The following SLC35F3 variants were observed in gnomAD, a reference collection of about 807,000 sequenced individuals.
The protein encoded by SLC35F3 is solute carrier family 35 member F3.
In SLC35F3, 25 loss-of-function variants were observed where a neutral mutation model predicts 49.9. That is an observed-to-expected ratio of 0.50 (90% CI 0.37 to 0.70). The LOEUF (loss-of-function observed/expected upper bound fraction) is 0.70, where lower values mean the gene tolerates loss of function less well. Among genes scored for constraint, SLC35F3 ranks in the 30% least tolerant of loss-of-function variants. The probability of loss-of-function intolerance (pLI) is 0.00; values close to 1 mark genes in which losing one functional copy is unlikely to be tolerated. For missense variants in SLC35F3, 525 were observed against 639.8 expected, an observed-to-expected ratio of 0.82 and a Z score of 1.94; for synonymous variants, 275 against 265.4, an observed-to-expected ratio of 1.04 and a Z score of -0.35.
chr1:233,925,749 A>G (rs1251630973), intron 2 of SLC35F3, among the ~76,000 whole-genome samples: 1 of 152,176 alleles, frequency 6.6e-6, no homozygotes, highest in Admixed American at 6.5e-5. Flanking sequence ...ACAATTTGGC[A>G]TGTTTTTACA....
At chr1:234,267,483 A>C in intron 3 of SLC35F3, among the ~76,000 whole-genome samples, 1 of 143,132 alleles carries the variant, frequency 7.0e-6, no homozygotes, top group African/African-American at 2.7e-5. Flanking sequence ...CACCTCCCGG[A>C]TGGGGCGGCT....
At chr1:234,088,583 A>G (rs1281946595) in intron 2 of SLC35F3, among the ~76,000 whole-genome samples, 1 of 152,188 alleles carries the variant, frequency 6.6e-6, no homozygotes, top group Non-Finnish European at 1.5e-5. Flanking sequence ...TTTATTTGCT[A>G]ACTCAATAGA....
chr1:233,935,380 G>A (rs1217324962), intron 2 of SLC35F3, among the ~76,000 whole-genome samples: 1 of 152,008 alleles, frequency 6.6e-6, no homozygotes, highest in Non-Finnish European at 1.5e-5. Context: ...TTAGGTTTGA[G>A]TGTGTTTGAC....
chr1:234,076,443 A>G (rs1402321994), intron 2 of SLC35F3, among the ~76,000 whole-genome samples: 1 of 151,470 alleles, frequency 6.6e-6, no homozygotes, highest in Non-Finnish European at 1.5e-5. Context: ...CTCTACAAAA[A>G]TAATAATAAT....
intron 2 of SLC35F3, among the ~76,000 whole-genome samples, chr1:233,944,789 T>C (rs1662486010): frequency 6.6e-6 from 1 of 152,224 alleles, no homozygotes; most frequent in African/African-American, 2.4e-5. Context: ...CAGAAACTGG[T>C]ACAAGTCTAT....
chr1:233,944,117 T>G (rs572673562), intron 2 of SLC35F3, among the ~76,000 whole-genome samples: 24 of 152,160 alleles, frequency 1.6e-4, no homozygotes, highest in African/African-American at 5.8e-4. Flanking sequence ...CCTAACCTCA[T>G]AACTAAAAGA....
intron 2 of SLC35F3, among the ~76,000 whole-genome samples, chr1:234,227,730 G>T (rs1667310521): frequency 6.6e-6 from 1 of 152,210 alleles, no homozygotes; most frequent in Non-Finnish European, 1.5e-5. Context: ...ATAAAAGAGT[G>T]AAATCAAACA....
intron 2 of SLC35F3, among the ~76,000 whole-genome samples, chr1:234,111,669 C>CT (rs1194774006): frequency 6.6e-6 from 1 of 152,236 alleles, no homozygotes; most frequent in Non-Finnish European, 1.5e-5. Context: ...CATGCTCCCT[C>CT]TGCTGACTCC....
At chr1:233,929,506 T>C (rs1480471393) in intron 2 of SLC35F3, among the ~76,000 whole-genome samples, 1 of 152,190 alleles carries the variant, frequency 6.6e-6, no homozygotes, top group Admixed American at 6.5e-5. Context: ...ACACACATAA[T>C]AAAATAGTTC....
At chr1:233,979,491 G>A (rs1445072874) in intron 2 of SLC35F3, among the ~76,000 whole-genome samples, 1 of 152,208 alleles carries the variant, frequency 6.6e-6, no homozygotes. Context: ...TTCTACGAAT[G>A]ACAGCAGTAG....
Position 234,163,893 on chromosome 1 carries a change from G to A in SLC35F3, c.284-67524G>A, listed in dbSNP as rs147702594. On this transcript the variant is annotated intron_variant, in intron 2 of 7. Transcript: ENST00000366618. ...ATTTCACTTCTCTTTGCTCAGTGCC[G>A]AGGAGTGAAAGAACTTATTCAGTAA... Among the ~76,000 whole-genome samples the A allele has an allele frequency of 1.5e-3, 232 of 152,116 alleles. 2 individuals carry two copies. The South Asian group carries it at 0.017, about 11-fold the overall frequency.
chr1:234,168,050 C>T (rs140069564), intron 2 of SLC35F3, among the ~76,000 whole-genome samples: 10 of 152,274 alleles, frequency 6.6e-5, no homozygotes, highest in African/African-American at 2.2e-4. Context: ...CAGATGAACT[C>T]GTATGTACAA....
At chr1:234,215,196 G>A (rs1667103980) in intron 2 of SLC35F3, 1 of 152,422 alleles carries the variant, frequency 6.6e-6, no homozygotes, top group Non-Finnish European at 1.5e-5. Context: ...GCCCTGGAGA[G>A]GGATTGGAAG....
intron 2 of SLC35F3, among the ~76,000 whole-genome samples, chr1:234,109,219 G>C (rs981183630): frequency 6.6e-6 from 1 of 152,200 alleles, no homozygotes; most frequent in Non-Finnish European, 1.5e-5. Flanking sequence ...CTAGAGGCTT[G>C]TGAAAGAAAG....
rs116309975 is a variant in SLC35F3, at chr1:234,308,462, G to T, written c.609-639G>T. ...AACATTATGAGATTTTTTTTTTTGC[G>T]ATTTCTTTTTGTAGCTCATCAGCTA... On this transcript the variant is annotated intron_variant, in intron 3 of 7. Coordinates refer to ENST00000366618, the MANE Select transcript of SLC35F3 (RefSeq NM_173508.4). Among the ~76,000 whole-genome samples the T allele has an allele frequency of 4.5e-3, 679 of 151,582 alleles. 5 individuals carry two copies. Among genetic ancestry groups the T allele is most frequent in the African/African-American group, 0.015 (633 of 41,358 alleles).
chr1:234,166,103 GA>G (rs1429288748), intron 2 of SLC35F3, among the ~76,000 whole-genome samples: 7 of 152,160 alleles, frequency 4.6e-5, no homozygotes, highest in Non-Finnish European at 8.8e-5. Flanking sequence ...CTCATCAGTT[GA>G]TGGGCACTTA....
chr1:234,192,874 T>G (rs529057285), intron 2 of SLC35F3, among the ~76,000 whole-genome samples: 5 of 152,130 alleles, frequency 3.3e-5, no homozygotes, highest in Admixed American at 3.3e-4. Flanking sequence ...AATAAAATAC[T>G]TTGGAATATA....
chr1:234,074,764 A>C (rs1664770262), intron 2 of SLC35F3, among the ~76,000 whole-genome samples: 1 of 152,236 alleles, frequency 6.6e-6, no homozygotes, highest in African/African-American at 2.4e-5. Context: ...GAGTGAGGTT[A>C]GGGCAAAAAT....
chr1:233,998,069 T>C lies in SLC35F3; in HGVS notation c.283+92311T>C, dbSNP rs1572013837. Among the ~76,000 whole-genome samples, 7 of 152,296 alleles carry C rather than the reference T, an allele frequency of 4.6e-5. No homozygotes were observed. The South Asian group carries it at 1.5e-3, about 32-fold the overall frequency. On this transcript the variant is annotated intron_variant, in intron 2 of 7. Coordinates refer to ENST00000366618, the MANE Select transcript of SLC35F3 (RefSeq NM_173508.4). ...GCCCAGCCCGTATTTTCTTCGAGTC[T>C]ATTTTTAATTAAAAACGAAAGCATT...
Sources: allele counts gnomAD v4.1 joint callset (sites outside exome capture counted in the v4.1 genomes callset), GRCh38; gene constraint gnomAD v4.1.1; transcripts MANE v1.5; gene names NCBI Gene and HGNC (gene_info 2026-07-23, HGNC 2026-07-21).